The following TENM3 variants were observed in gnomAD, a reference collection of about 807,000 sequenced individuals.
The protein encoded by TENM3 is teneurin transmembrane protein 3, also known as teneurin-3.
A neutral mutation model predicts 255.1 loss-of-function variants in TENM3; 63 were observed. The observed-to-expected ratio is 0.25, with a 90% CI of 0.20 to 0.30. The LOEUF is 0.30. TENM3 is among the 10% of genes least tolerant of loss of function. The pLI is 1.00. For missense variants in TENM3, 2,929 were observed against 3,461.1 expected (o/e 0.85, Z 3.86); for synonymous variants, 1,306 against 1,322.3 (o/e 0.99, Z 0.27).
chr4:181,978,866 T>C, the TENM3 span, among the ~76,000 whole-genome samples: 20 of 150,636 alleles, frequency 1.3e-4, no homozygotes, highest in Admixed American at 1.3e-3. Flanking sequence ...GGTCTCTTGT[T>C]CTGCTTAAAA....
chr4:182,678,288 T>C (rs2152562262), intron 7 of TENM3, among the ~76,000 whole-genome samples: 1 of 152,304 alleles, frequency 6.6e-6, no homozygotes, highest in Middle Eastern at 3.4e-3. Flanking sequence ...TTTTTTAAAC[T>C]CTCCAGTCAC....
the TENM3 span, among the ~76,000 whole-genome samples, chr4:181,448,320 C>T: frequency 9.0e-5 from 13 of 144,670 alleles, 1 homozygote; most frequent in Admixed American, 9.5e-4. Flanking sequence ...TACAGGCGCC[C>T]ACCACTACGC....
intron 13 of TENM3, among the ~76,000 whole-genome samples, chr4:182,720,892 C>G (rs546342563): frequency 6.6e-6 from 1 of 151,692 alleles, no homozygotes; most frequent in Non-Finnish European, 1.5e-5. Flanking sequence ...CTCAGCCTCC[C>G]GAGTAGCTGG....
intron 1 of TENM3, among the ~76,000 whole-genome samples, chr4:182,317,256 T>C (rs1454494675): frequency 6.6e-6 from 1 of 152,186 alleles, no homozygotes; most frequent in Non-Finnish European, 1.5e-5. Flanking sequence ...TCACATTTTA[T>C]ATTCATAGTA....
chr4:181,609,279 A>G, the TENM3 span, among the ~76,000 whole-genome samples: 1 of 152,120 alleles, frequency 6.6e-6, no homozygotes, highest in Non-Finnish European at 1.5e-5. Flanking sequence ...TCTTTTTTCC[A>G]TAAAGTTGGA....
At chr4:182,570,839 A>AC (rs1222479106) in intron 3 of TENM3, among the ~76,000 whole-genome samples, 1 of 151,736 alleles carries the variant, frequency 6.6e-6, no homozygotes, top group Non-Finnish European at 1.5e-5. Context: ...CAAAAAAAAA[A>AC]ACAAAACAAA....
chr4:182,332,835 G>C (rs1188533871), intron 2 of TENM3, among the ~76,000 whole-genome samples: 2 of 152,000 alleles, frequency 1.3e-5, no homozygotes, highest in Non-Finnish European at 2.9e-5. Flanking sequence ...CTTTAAAAAG[G>C]CTAGTAAAAT....
At chr4:181,478,276 A>C in the TENM3 span, among the ~76,000 whole-genome samples, 2 of 152,246 alleles carry the variant, frequency 1.3e-5, no homozygotes, top group Non-Finnish European at 2.9e-5. Flanking sequence ...CGGTATTATA[A>C]TAACCTTACT....
chr4:182,459,348 C>T (rs1774149690), intron 3 of TENM3, among the ~76,000 whole-genome samples: 1 of 152,066 alleles, frequency 6.6e-6, no homozygotes, highest in Non-Finnish European at 1.5e-5. Context: ...TCGGTGAATT[C>T]TGGAGTTTTT....
At chr4:182,403,416 A>C (rs1769335871) in intron 3 of TENM3, among the ~76,000 whole-genome samples, 1 of 152,222 alleles carries the variant, frequency 6.6e-6, no homozygotes, top group Non-Finnish European at 1.5e-5. Context: ...GGCCTGATGC[A>C]CTATATCTTA....
At chr4:181,534,112 C>T in the TENM3 span, among the ~76,000 whole-genome samples, 2 of 151,842 alleles carry the variant, frequency 1.3e-5, no homozygotes, top group Non-Finnish European at 2.9e-5. Flanking sequence ...CATTCAAGGC[C>T]GGGTGCAGTG....
intron 19 of TENM3, among the ~76,000 whole-genome samples, chr4:182,744,827 T>C (rs1205272999): frequency 6.6e-6 from 1 of 152,198 alleles, no homozygotes; most frequent in Non-Finnish European, 1.5e-5. Context: ...CGAATATAGT[T>C]GAAGCAAATA....
At chr4:181,578,737 T>C in the TENM3 span, among the ~76,000 whole-genome samples, 1 of 152,172 alleles carries the variant, frequency 6.6e-6, no homozygotes, top group Non-Finnish European at 1.5e-5. Context: ...CTCTGCATCC[T>C]CCTGTGGTCA....
the TENM3 span, among the ~76,000 whole-genome samples, chr4:181,667,821 G>A: frequency 5.3e-5 from 8 of 152,294 alleles, no homozygotes; most frequent in African/African-American, 1.2e-4. Flanking sequence ...TGGAAATCCT[G>A]AAGGTGGCTG....
At chr4:182,065,907 ACTGTGATC>A in the TENM3 span, among the ~76,000 whole-genome samples, 2 of 152,228 alleles carry the variant, frequency 1.3e-5, no homozygotes, top group Admixed American at 6.5e-5. Flanking sequence ...GCTAGCTAGG[ACTGTGATC>A]CCAGCAATAT....
the TENM3 span, among the ~76,000 whole-genome samples, chr4:181,589,149 T>A: frequency 6.6e-6 from 1 of 152,162 alleles, no homozygotes; most frequent in Admixed American, 6.5e-5. Context: ...CTTAAATGAT[T>A]TTGGTGGTAA....
At chr4:181,787,607 T>A in the TENM3 span, among the ~76,000 whole-genome samples, 1 of 152,168 alleles carries the variant, frequency 6.6e-6, no homozygotes, top group African/African-American at 2.4e-5. Flanking sequence ...CCCAAAGTGC[T>A]GAGATTACAA....
At chr4:182,688,495 G>A in intron 12 of TENM3, 144 bp downstream of exon 12, 1 of 669,514 alleles carries the variant, frequency 1.5e-6, no homozygotes, top group Non-Finnish European at 2.3e-6. Context: ...TTTAAATATG[G>A]TTGTCATTTT....
At chr4:182,247,757 A>G (rs576915467) in intron 1 of TENM3, among the ~76,000 whole-genome samples, 3 of 152,220 alleles carry the variant, frequency 2.0e-5, no homozygotes, top group Non-Finnish European at 4.4e-5. Flanking sequence ...CTAGGATTTT[A>G]TAATTCTGTG....
Sources: allele counts gnomAD v4.1 joint callset (sites outside exome capture counted in the v4.1 genomes callset), GRCh38; gene constraint gnomAD v4.1.1; transcripts MANE v1.5; gene names NCBI Gene and HGNC (gene_info 2026-07-23, HGNC 2026-07-21).